The following SCNN1A variants were observed in gnomAD, a reference collection of about 807,000 sequenced individuals.
SCNN1A encodes the protein epithelial sodium channel subunit alpha.
A neutral mutation model predicts 68.6 loss-of-function variants in SCNN1A; 65 were observed. The ratio of observed to expected loss-of-function variants is 0.95; its 90% CI spans 0.78 to 1.16. The LOEUF (loss-of-function observed/expected upper bound fraction) is 1.16, where lower values mean the gene tolerates loss of function less well. SCNN1A is among the 50% of genes most tolerant of loss of function. SCNN1A has a pLI of 0.00. For missense variants in SCNN1A, 880 were observed against 865.9 expected, an observed-to-expected ratio of 1.02 and a Z score of -0.20; for synonymous variants, 357 against 353.3, an observed-to-expected ratio of 1.01 and a Z score of -0.12.
chr12:6,361,166 A>G (rs993772258), intron 4 of SCNN1A, among the ~76,000 whole-genome samples: 1 of 152,246 alleles, frequency 6.6e-6, no homozygotes, highest in Admixed American at 6.5e-5. Context: ...TAGCCCAGAT[A>G]GTCAAAACTA....
intron 12 of SCNN1A, 71 bp downstream of exon 12, chr12:6,348,656 G>C (rs1385470308): frequency 7.3e-7 from 1 of 1,364,558 alleles, no homozygotes; most frequent in Non-Finnish European, 1.0e-6. Context: ...CAACCTTTTG[G>C]TTTTCCCCGA....
chr12:6,350,057 G>T (rs1265650129), intron 8 of SCNN1A: 2 of 171,314 alleles, frequency 1.2e-5, no homozygotes, highest in East Asian at 1.8e-4. Context: ...AAGAAAATAA[G>T]CTAAGTCAGG....
At chr12:6,370,668 C>A (rs112102487) in intron 2 of SCNN1A, among the ~76,000 whole-genome samples, 7 of 152,334 alleles carry the variant, frequency 4.6e-5, no homozygotes, top group South Asian at 2.1e-4. Context: ...GGTGTCCAGA[C>A]TGCCCAGGGA....
At chr12:6,370,647 G>A (rs528069036) in intron 2 of SCNN1A, among the ~76,000 whole-genome samples, 1 of 152,310 alleles carries the variant, frequency 6.6e-6, no homozygotes, top group Admixed American at 6.5e-5. Flanking sequence ...CAGCCCTGCT[G>A]AGCACAGCCT....
chr12:6,359,779 T>G (rs1170229689), intron 4 of SCNN1A, among the ~76,000 whole-genome samples: 1 of 144,040 alleles, frequency 6.9e-6, no homozygotes, highest in Admixed American at 6.9e-5. Context: ...TTTTTTTTTT[T>G]TTTTTTTTTC....
At chr12:6,359,411 T>G (rs2136876637) in intron 4 of SCNN1A, among the ~76,000 whole-genome samples, 1 of 152,266 alleles carries the variant, frequency 6.6e-6, no homozygotes, top group Admixed American at 6.5e-5. Flanking sequence ...GGATACAGTT[T>G]GGATGTTTGT....
rs778158546 is a variant in SCNN1A at position 6,355,359 on chromosome 12, C to G, written c.1056G>C (p.Met352Ile). Residue 352 changes from methionine (M) to isoleucine (I), a missense_variant, in exon 6 of 13, where the codon ATG (methionine) becomes ATC (isoleucine). Met to Ile is a conservative substitution (Grantham distance 10). This residue lies in a region of SCNN1A where 758 missense variants were observed against 721.8 expected (regional missense o/e 1.05). Coordinates refer to ENST00000228916, the MANE Select transcript of SCNN1A (RefSeq NM_001038.6). ...LLSTVTGARV[M>I]VHGQDEPAFM... ...AGGCAGGTTCATCCTGCCCGTGCACCATTACCCGGGCCCCAGTCACTGTGG... is the reference window on the plus strand; with the variant it reads ...AGGCAGGTTCATCCTGCCCGTGCACGATTACCCGGGCCCCAGTCACTGTGG... The G allele has an allele frequency of 6.2e-7, 1 of 1,613,982 alleles. No individual in the cohort carries two copies. Among genetic ancestry groups the G allele is most frequent in the Admixed American group, 1.7e-5 (1 of 59,994 alleles).
Position 6,348,788 on chromosome 12 carries a change from T to C in SCNN1A, c.1568A>G (p.Lys523Arg), listed in dbSNP as rs756012753. The change falls in exon 12 of 13, where the codon AAA (lysine) becomes AGA (arginine). Residue 523 changes from lysine (K) to arginine (R), a missense_variant. Physicochemically the swap from Lys to Arg is conservative, Grantham distance 26. Transcript: ENST00000228916. ...TVNNKRNGVA[K>R]VNIFFKELNY... ...CAGCTCCTTGAAGAAGATGTTGACT[T>C]TGGCCACTCCATTTCTTAGGTGTGG... The C allele has an allele frequency of 2.5e-6, 4 of 1,613,580 alleles. No individual in the cohort carries two copies. In the African/African-American group the frequency reaches 4.0e-5, roughly 16 times the overall value.
At position 6,354,500 on chromosome 12, in the gene SCNN1A, T is replaced by G; in HGVS notation, c.1298A>C (p.Tyr433Ser). ...ESMIKECGCAYIFYPRPQNVE... is the reference protein window; with the variant it reads ...ESMIKECGCASIFYPRPQNVE... ...GTTCTGGGGCCGCGGATAGAAGATG[T>G]AGGCACAGCCACACTCCTTGATCAT... The change falls in exon 8 of 13, where the codon TAC becomes TCC. Residue 433 changes from tyrosine (Y) to serine (S), a missense_variant. Physicochemically the swap from Tyr to Ser is moderately radical, Grantham distance 144. Transcript: ENST00000228916. 1.2e-6 allele frequency: 2 copies of G among 1,613,700 alleles called. No homozygotes were observed. Among genetic ancestry groups the G allele is most frequent in the Non-Finnish European group, 1.7e-6 (2 of 1,179,944 alleles).
At chr12:6,375,607 G>A (rs1173060998), upstream of SCNN1A, 14 of 1,240,478 alleles carry the variant, frequency 1.1e-5, no homozygotes, top group Admixed American at 1.2e-4. Flanking sequence ...GAGCAGGGCG[G>A]GGGGAGGGGC....
chr12:6,361,417 T>C (rs1180492463), intron 4 of SCNN1A, among the ~76,000 whole-genome samples: 1 of 152,106 alleles, frequency 6.6e-6, no homozygotes, highest in Non-Finnish European at 1.5e-5. Flanking sequence ...TTTTGAGCTT[T>C]GATGCTAGGG....
intron 2 of SCNN1A, among the ~76,000 whole-genome samples, chr12:6,373,348 T>G (rs66879982): frequency 0.075 from 11,377 of 152,224 alleles, 551 homozygotes; most frequent in South Asian, 0.16. Context: ...CTCACCATTT[T>G]TATCATACTT....
intron 8 of SCNN1A, chr12:6,353,688 CA>C (rs1466237157): frequency 1.5e-5 from 1 of 65,574 alleles, no homozygotes; most frequent in East Asian, 6.2e-4. Flanking sequence ...CTCCCGGGTC[CA>C]CACCATTCTC....
Position 6,355,887 on chromosome 12 carries a change from A to G in SCNN1A, c.876-7T>C. On this transcript the variant is annotated splice_region_variant and splice_polypyrimidine_tract_variant and intron_variant, in intron 4 of 12. Transcript: ENST00000228916. ...GTGGAAGTGAGAGTAATTCCTTATCAGGAAAGAGAGAGTAGGGTCAGAGAG... is the reference window on the plus strand; with the variant it reads ...GTGGAAGTGAGAGTAATTCCTTATCGGGAAAGAGAGAGTAGGGTCAGAGAG... 6.4e-7 allele frequency: 1 copy of G among 1,555,346 alleles called. No individual in the cohort carries two copies. The highest frequency in any genetic ancestry group is 1.1e-5 in the South Asian group (1 of 89,876).
intron 4 of SCNN1A, 110 bp from the exon 5 acceptor site, chr12:6,355,990 T>G: frequency 1.2e-6 from 1 of 814,424 alleles, no homozygotes; most frequent in Non-Finnish European, 2.2e-6. Flanking sequence ...ACAGGACTTG[T>G]GCCTTTCAGA....
At chr12:6,362,944 A>C (rs1179482099) in intron 3 of SCNN1A, among the ~76,000 whole-genome samples, 10 of 30 alleles carry the variant, frequency 0.33, no homozygotes, top group African/African-American at 0.33. Context: ...AGGCCTCCCA[A>C]AGTGCTGGGA....
chr12:6,348,136 T>G lies in SCNN1A; in HGVS notation c.1747A>C (p.Met583Leu). Residue 583 changes from methionine (M) to leucine (L), a missense_variant, in exon 13 of 13, where the codon ATG becomes CTG. Physicochemically the swap from Met to Leu is conservative, Grantham distance 15. This residue lies in a region of SCNN1A where 758 missense variants were observed against 721.8 expected (regional missense o/e 1.05). Transcript: ENST00000228916. Reference protein sequence around the residue: ...VFDLLVIMFLMLLRRFRSRYW... With the variant: ...VFDLLVIMFLLLLRRFRSRYW... The stretch of plus-strand genomic sequence containing the variant: ...CGGCTTCGGAACCTTCGGAGCAGCA[T>G]GAGGAACATGATGACCAGCAGGTCA... 1.2e-6 allele frequency: 2 copies of G among 1,614,080 alleles called. No individual in the cohort carries two copies. The highest frequency in any genetic ancestry group is 1.7e-6 in the Non-Finnish European group (2 of 1,179,988).
rs1948298119 is a variant in SCNN1A at position 6,348,211 on chromosome 12, A to G, written c.1672T>C (p.Trp558Arg). 6.2e-7 allele frequency: 1 copy of G among 1,614,018 alleles called. No individual in the cohort carries two copies. Among genetic ancestry groups the G allele is most frequent in the African/African-American group, 1.3e-5 (1 of 74,914 alleles). Residue 558 changes from tryptophan to arginine, a missense_variant, in exon 13 of 13, where the codon TGG (tryptophan) becomes CGG (arginine). Trp to Arg is a moderately radical substitution (Grantham distance 101). Transcript: ENST00000228916. Reference sequence around the variant, plus strand: ...ACAGACAACACCGAGGAGCCGAACCACAGGCTCCACTGGCTGCCCAGGTTG... The same window carrying G: ...ACAGACAACACCGAGGAGCCGAACCGCAGGCTCCACTGGCTGCCCAGGTTG... Reference protein sequence around the residue: ...LSNLGSQWSLWFGSSVLSVVE... With the variant: ...LSNLGSQWSLRFGSSVLSVVE...
At chr12:6,375,990 T>G, upstream of SCNN1A, 5 of 990,058 alleles carry the variant, frequency 5.1e-6, no homozygotes, top group African/African-American at 3.6e-5. Flanking sequence ...TGGGGGCAAA[T>G]AGAAGGAGCC....
Sources: allele counts gnomAD v4.1 joint callset (sites outside exome capture counted in the v4.1 genomes callset), GRCh38; gene constraint gnomAD v4.1.1; regional missense constraint gnomAD v4.1.1; transcripts MANE v1.5; gene names NCBI Gene and HGNC (gene_info 2026-07-23, HGNC 2026-07-21).